The following RMI2 variants were observed in gnomAD, a reference collection of about 807,000 sequenced individuals.
RMI2 encodes the protein recQ-mediated genome instability protein 2.
Under a neutral mutation model 8.4 loss-of-function variants are expected in RMI2, and 11 were observed. The observed-to-expected ratio is 1.32, with a 90% CI of 0.83 to 2.18. RMI2 has a LOEUF of 2.18. Ranked by LOEUF, RMI2 falls within the 30% of genes most tolerant of loss-of-function variation. The pLI, the probability that RMI2 is intolerant of heterozygous loss-of-function variation, is 0.00. For missense variants in RMI2, 253 were observed against 207.5 expected (o/e 1.22, Z -1.35); for synonymous variants, 105 against 93.8 (o/e 1.12, Z -0.69).
rs116723106 is a variant in RMI2 at position 11,349,098 on chromosome 16, T to C, written c.296-1544T>C. 0.038 allele frequency: 5,775 copies of C among 152,092 alleles called. 370 individuals are homozygous for C. Among genetic ancestry groups the C allele is most frequent in the African/African-American group, 0.13 (5,413 of 41,452 alleles). 9.4% of individuals were successfully genotyped at this position (152,092 alleles called of 1,614,324 possible). On this transcript the variant is annotated intron_variant, in intron 1 of 1. Coordinates refer to ENST00000312499, the MANE Select transcript of RMI2 (RefSeq NM_152308.3). The surrounding 1 kb of genome is among the most constrained non-coding windows in gnomAD (Gnocchi z 4.2). ...AACCTAAGGTGCTGAAGAGGCAGAG[T>C]TGAAGGAGAAGCTCTTCCTGCCCTC...
At position 11,351,547 on chromosome 16, in the gene RMI2, A is replaced by G. The variant is rs1061128; in HGVS notation, c.*757A>G. 81,783 of 231,834 alleles carry G rather than the reference A, an allele frequency of 0.35. 16,339 individuals carry two copies. Among genetic ancestry groups the G allele is most frequent in the East Asian group, 0.68 (11,178 of 16,404 alleles). 14.4% of individuals were successfully genotyped at this position (231,834 alleles called of 1,614,324 possible). ...TCCACTTCATAACTTTCGGCGAGAC[A>G]TGGTGAGCCTCCTGGTGTAGAGTTC... On this transcript the variant is annotated 3_prime_UTR_variant, in exon 2 of 2. Transcript: ENST00000312499.
intron 1 of RMI2, among the ~76,000 whole-genome samples, chr16:11,346,084 C>T (rs2070862712): frequency 6.6e-6 from 1 of 152,168 alleles, no homozygotes; most frequent in Non-Finnish European, 1.5e-5. Flanking sequence ...CAGTTGATAT[C>T]CTTGTTTTGG....
Position 11,349,550 on chromosome 16 carries a change from A to C in RMI2, c.296-1092A>C, listed in dbSNP as rs1171851804. Among the ~76,000 whole-genome samples the C allele has an allele frequency of 2.0e-5, 3 of 152,262 alleles. No individual in the cohort carries two copies. The South Asian group carries it at 6.2e-4, about 32-fold the overall frequency. ...TTCTACTTCTGTGTGTTCCAACCCT[A>C]CCAGCACTTTAGGCCCCTTCAGAGG... On this transcript the variant is annotated intron_variant, in intron 1 of 1. Coordinates refer to ENST00000312499, the MANE Select transcript of RMI2 (RefSeq NM_152308.3). This position sits in a 1 kb window ranked among gnomAD's most constrained non-coding sequence, Gnocchi z 4.2.
chr16:11,345,470 GA>G lies in RMI2; in HGVS notation c.1del, dbSNP rs1441780626. 4.6e-6 allele frequency: 6 copies of G among 1,304,346 alleles called. No homozygotes were observed. Among genetic ancestry groups the G allele is most frequent in the South Asian group, 2.3e-5 (1 of 43,626 alleles). 80.8% of individuals were successfully genotyped at this position (1,304,346 alleles called of 1,614,324 possible). ...CGGGGCGGAAGGGTGCGGCGAGGCG[GA>G]ATGGCGGCGGCTGCGGACTCGTTCT... On this transcript the variant is annotated 5_prime_UTR_variant, in exon 1 of 2. Coordinates refer to ENST00000312499, the MANE Select transcript of RMI2 (RefSeq NM_152308.3).
At chr16:11,350,551 C>T (rs1013369859) in intron 1 of RMI2, 91 bp from the exon 2 acceptor site, 6 of 1,122,272 alleles carry the variant, frequency 5.3e-6, no homozygotes, top group Non-Finnish European at 7.4e-6. Context: ...GATTGTGCCA[C>T]TGCACTCCAG....
At position 11,350,528 on chromosome 16, in the gene RMI2, T is replaced by C. The variant is rs140099729; in HGVS notation, c.296-114T>C. 2.3e-3 allele frequency: 1,845 copies of C among 801,230 alleles called. 41 individuals carry two copies. In the African/African-American group the frequency reaches 0.03, roughly 13 times the overall value. 49.6% of individuals were successfully genotyped at this position (801,230 alleles called of 1,614,324 possible). On this transcript the variant is annotated intron_variant, in intron 1 of 1. Coordinates refer to ENST00000312499, the MANE Select transcript of RMI2 (RefSeq NM_152308.3). ...TCACTTAAACTCAGGAGGTGGAGGC[T>C]GCAATGAGCCGAGATTGTGCCACTG...
intron 1 of RMI2, among the ~76,000 whole-genome samples, chr16:11,347,155 A>G (rs7184280): frequency 0.97 from 147,828 of 152,324 alleles, 71,935 homozygotes; most frequent in Middle Eastern, 1. Context: ...GGAGACAGGC[A>G]GTGAGCAAGT....
chr16:11,346,114 C>T (rs1257316819), intron 1 of RMI2, among the ~76,000 whole-genome samples: 1 of 152,208 alleles, frequency 6.6e-6, no homozygotes. Context: ...TCCTGGGAAA[C>T]TTCTGCTCAT....
intron 1 of RMI2, among the ~76,000 whole-genome samples, chr16:11,347,931 C>A (rs927069393): frequency 6.6e-6 from 1 of 152,124 alleles, no homozygotes; most frequent in African/African-American, 2.4e-5. Flanking sequence ...CAGGTGTGCA[C>A]CACCACACCC....
chr16:11,351,148 G>A lies in RMI2; in HGVS notation c.*358G>A, dbSNP rs1048831914. ...ATGATACTTTTTCCATTACTGCTGC[G>A]TCCCTGTTTTACAATGCAAAATTTA... On this transcript the variant is annotated 3_prime_UTR_variant, in exon 2 of 2. Coordinates refer to ENST00000312499, the MANE Select transcript of RMI2 (RefSeq NM_152308.3). The A allele has an allele frequency of 8.1e-5, 20 of 246,396 alleles. No individual in the cohort carries two copies. The highest frequency in any genetic ancestry group is 1.2e-4 in the Non-Finnish European group (15 of 126,694). 15.3% of individuals were successfully genotyped at this position (246,396 alleles called of 1,614,324 possible).
At position 11,345,590 on chromosome 16, in the gene RMI2, C is replaced by T. The variant is rs1480536057; in HGVS notation, c.119C>T (p.Ala40Val). ...CGCGACGCGGAGGGCGGCCCGGGCG[C>T]GTGGCGGCTGTCACGGGCGGCGGCG... is the stretch of plus-strand genomic sequence containing the variant. Reference protein sequence around the residue: ...LRRDAEGGPGAWRLSRAAAGR... With the variant: ...LRRDAEGGPGVWRLSRAAAGR... Residue 40 changes from alanine to valine, a missense_variant, in exon 1 of 2, where the codon GCG becomes GTG. Ala to Val is a moderately conservative substitution (Grantham distance 64). Coordinates refer to ENST00000312499, the MANE Select transcript of RMI2 (RefSeq NM_152308.3). 1.4e-5 allele frequency: 17 copies of T among 1,222,964 alleles called. No homozygotes were observed. In the East Asian group the frequency reaches 4.9e-4, roughly 35 times the overall value. The allele number at this position is 1,222,964 out of a possible 1,614,324, so 75.8% of individuals were successfully genotyped here.
intron 1 of RMI2, among the ~76,000 whole-genome samples, chr16:11,350,171 C>T (rs72773852): frequency 0.13 from 19,388 of 152,300 alleles, 1,368 homozygotes; most frequent in Middle Eastern, 0.26. Flanking sequence ...TAGAGGAAAG[C>T]TGAGGTTTTC....
rs1042935498 is a variant in RMI2, at chr16:11,351,626, T to G, written c.*836T>G. The G allele has an allele frequency of 8.6e-6, 2 of 231,484 alleles. No homozygotes were observed. The highest frequency in any genetic ancestry group is 4.4e-5 in the African/African-American group (2 of 45,272). The allele number at this position is 231,484 out of a possible 1,614,324, so 14.3% of individuals were successfully genotyped here. ...CTGTGATGGTTTTGAATGTTGGGTT[T>G]CTGCTGTCTGCTTAGTACCCATGCC... is the stretch of plus-strand genomic sequence containing the variant. On this transcript the variant is annotated 3_prime_UTR_variant, in exon 2 of 2. Coordinates refer to ENST00000312499, the MANE Select transcript of RMI2 (RefSeq NM_152308.3).
Position 11,351,532 on chromosome 16 carries a change from A to C in RMI2, c.*742A>C, listed in dbSNP as rs2070974378. 1 of 232,190 alleles carries C rather than the reference A, an allele frequency of 4.3e-6. No individual in the cohort carries two copies. Among genetic ancestry groups the C allele is most frequent in the South Asian group, 1.8e-4 (1 of 5,520 alleles). The allele number at this position is 232,190 out of a possible 1,614,324, so 14.4% of individuals were successfully genotyped here. A position where few individuals can be genotyped will look rare whatever the true frequency, so the allele number is the denominator to read the frequency against. ...GGCATTAGCTAAACTTCCACTTCAT[A>C]ACTTTCGGCGAGACATGGTGAGCCT... On this transcript the variant is annotated 3_prime_UTR_variant, in exon 2 of 2. Coordinates refer to ENST00000312499, the MANE Select transcript of RMI2 (RefSeq NM_152308.3).
chr16:11,346,467 G>T (rs557485341), intron 1 of RMI2, among the ~76,000 whole-genome samples: 2 of 152,152 alleles, frequency 1.3e-5, no homozygotes, highest in Non-Finnish European at 2.9e-5. Context: ...TGCCATGTTG[G>T]CCAGGCTGGT....
At position 11,349,296 on chromosome 16, in the gene RMI2, A is replaced by G. The variant is rs569085423; in HGVS notation, c.296-1346A>G. Reference sequence around the variant, plus strand: ...CAGGAGATGGGCTGGAGCCATTGGAATGGTCATGGCAACCGCGGGGTGGGG... The same window carrying G: ...CAGGAGATGGGCTGGAGCCATTGGAGTGGTCATGGCAACCGCGGGGTGGGG... On this transcript the variant is annotated intron_variant, in intron 1 of 1. Coordinates refer to ENST00000312499, the MANE Select transcript of RMI2 (RefSeq NM_152308.3). This position sits in a 1 kb window ranked among gnomAD's most constrained non-coding sequence, Gnocchi z 4.2. The G allele has an allele frequency of 6.5e-6, 1 of 152,708 alleles. No individual in the cohort carries two copies. The highest frequency in any genetic ancestry group is 2.1e-4 in the South Asian group (1 of 4,834). 9.5% of individuals were successfully genotyped at this position (152,708 alleles called of 1,614,324 possible).
chr16:11,349,116 C>T lies in RMI2; in HGVS notation c.296-1526C>T, dbSNP rs1447931972. ...GGCAGAGTTGAAGGAGAAGCTCTTC[C>T]TGCCCTCAAGCTGCTCTCTGTCTGC... On this transcript the variant is annotated intron_variant, in intron 1 of 1. Coordinates refer to ENST00000312499, the MANE Select transcript of RMI2 (RefSeq NM_152308.3). The surrounding 1 kb of genome is among the most constrained non-coding windows in gnomAD (Gnocchi z 4.2). 1 of 152,252 alleles carries T rather than the reference C, an allele frequency of 6.6e-6. No individual in the cohort carries two copies. The highest frequency in any genetic ancestry group is 2.4e-5 in the African/African-American group (1 of 41,440). 9.4% of individuals were successfully genotyped at this position (152,252 alleles called of 1,614,324 possible).
chr16:11,345,629 T>C lies in RMI2; in HGVS notation c.158T>C (p.Leu53Pro), dbSNP rs769778294. 1 of 1,246,950 alleles carries C rather than the reference T, an allele frequency of 8.0e-7. No homozygotes were observed. The allele number at this position is 1,246,950 out of a possible 1,614,324, so 77.2% of individuals were successfully genotyped here. Residue 53 changes from leucine to proline, a missense_variant, in exon 1 of 2, where the codon CTG (leucine) becomes CCG (proline). Transcript: ENST00000312499. The stretch of plus-strand genomic sequence containing the variant: ...CGGGCGGCGGCGGGCCGCGGGCCGC[T>C]GGACCTGGCGGCCGTGTGGATGCAG... ...LSRAAAGRGP[L>P]DLAAVWMQGR...
chr16:11,346,255 C>CCT (rs2070867414), intron 1 of RMI2, among the ~76,000 whole-genome samples: 1 of 115,932 alleles, frequency 8.6e-6, no homozygotes, highest in Non-Finnish European at 1.8e-5. Flanking sequence ...TGCCTCCTCT[C>CCT]TTTTTTTTTT....
Sources: gnomAD v4.1 joint callset for allele counts (sites outside exome capture counted in the v4.1 genomes callset) on GRCh38, gnomAD v4.1.1 for gene constraint, Gnocchi (gnomAD v3.1) non-coding constraint, MANE v1.5 for transcripts, NCBI Gene and HGNC (gene_info 2026-07-23, HGNC 2026-07-21) for gene names.